Variants in ZNF117 observed in about 807,000 individuals in gnomAD.
The protein encoded by ZNF117 is zinc finger protein 117, also known as Krueppel-related zinc finger protein.
In ZNF117, 37 loss-of-function variants were observed where a neutral mutation model predicts 41.2. The observed-to-expected ratio is 0.90, with a 90% CI of 0.69 to 1.18. ZNF117 has a LOEUF of 1.18. Ranked by LOEUF, ZNF117 falls within the 50% of genes most tolerant of loss-of-function variation. The probability of loss-of-function intolerance (pLI) is 0.00; values close to 1 mark genes in which losing one functional copy is unlikely to be tolerated. For missense variants in ZNF117, 546 were observed against 557.5 expected (o/e 0.98, Z 0.21); for synonymous variants, 186 against 186.6 (o/e 1.00, Z 0.02).
chr7:64,973,978 G>C (rs898006932), downstream of ZNF117: 3 of 151,878 alleles, frequency 2.0e-5, no homozygotes, highest in Non-Finnish European at 2.9e-5. Flanking sequence ...AGCAAGCACT[G>C]TCATATTTGT....
chr7:64,972,691 G>A (rs1171728645), downstream of ZNF117: 1 of 151,974 alleles, frequency 6.6e-6, no homozygotes, highest in Non-Finnish European at 1.5e-5. Flanking sequence ...CATAATTATA[G>A]TTTAATAGGA....
exon 3 of ZNF117, chr7:64,976,850 A>C (rs549027103): frequency 9.1e-6 from 4 of 438,924 alleles, no homozygotes; most frequent in African/African-American, 4.1e-5. Context: ...TATGTTTAGT[A>C]AAGTTTGAGA....
chr7:64,977,281 G>T, exon 3 of ZNF117: 3 of 399,612 alleles, frequency 7.5e-6, no homozygotes, highest in South Asian at 5.9e-5. Flanking sequence ...TTTGAAGATC[G>T]GTTAAAAACT....
At chr7:64,988,690 T>C (rs1786187563) in intron 1 of ZNF117, among the ~76,000 whole-genome samples, 2 of 152,160 alleles carry the variant, frequency 1.3e-5, no homozygotes. Context: ...ATTCTATATA[T>C]AGAAAACCCT....
chr7:64,989,146 T>TACACAC (rs148723682), intron 1 of ZNF117, among the ~76,000 whole-genome samples: 3,028 of 148,568 alleles, frequency 0.02, 76 homozygotes, highest in African/African-American at 0.06. Context: ...AGGCAATGTA[T>TACACAC]ACACACACAC....
chr7:64,991,002 TGG>T, exon 1 of ZNF117: 1 of 417,100 alleles, frequency 2.4e-6, no homozygotes, highest in Non-Finnish European at 4.2e-6. Context: ...GCTCTTTTCT[TGG>T]CAGGGGTTAA....
intron 2 of ZNF117, chr7:64,981,046 T>G: frequency 4.1e-6 from 1 of 246,640 alleles, no homozygotes; most frequent in Non-Finnish European, 7.7e-6. Flanking sequence ...TTTAAAAAAC[T>G]GTTTAACATA....
chr7:64,986,722 T>C (rs1052444813), upstream of ZNF117, among the ~76,000 whole-genome samples: 2 of 152,154 alleles, frequency 1.3e-5, no homozygotes, highest in Non-Finnish European at 2.9e-5. Flanking sequence ...TGTGACCCAG[T>C]TCCCAGCCTA....
upstream of ZNF117, among the ~76,000 whole-genome samples, chr7:64,983,723 C>T (rs1786079564): frequency 6.6e-6 from 1 of 152,138 alleles, no homozygotes; most frequent in Non-Finnish European, 1.5e-5. Flanking sequence ...ACCACCACAC[C>T]CACAGAGATA....
At chr7:64,987,835 A>G (rs1433593451) in intron 1 of ZNF117, among the ~76,000 whole-genome samples, 1 of 151,960 alleles carries the variant, frequency 6.6e-6, no homozygotes, top group East Asian at 1.9e-4. Context: ...AAGGAAAAAA[A>G]AAAAAAAAAG....
At position 64,979,309 on chromosome 7, in the gene ZNF117, C is replaced by T. The variant is rs1262849089; in HGVS notation, c.262G>A (p.Glu88Lys). Residue 88 changes from glutamate (E) to lysine (K), a missense_variant, in exon 3 of 3, where the codon GAA becomes AAA. Glu to Lys is a moderately conservative substitution (Grantham distance 56). Transcript: ENST00000620222. ...GAATTTGAAATTTTATGGAAAACTT[C>T]TACATATTTATTACATTGAAATATT... is the stretch of plus-strand genomic sequence containing the variant. The T allele has an allele frequency of 1.9e-6, 3 of 1,591,298 alleles. No individual in the cohort carries two copies. Among genetic ancestry groups the T allele is most frequent in the Non-Finnish European group, 2.6e-6 (3 of 1,170,918 alleles).
chr7:64,988,928 C>T (rs1205720232), intron 1 of ZNF117, among the ~76,000 whole-genome samples: 2 of 151,988 alleles, frequency 1.3e-5, no homozygotes, highest in Non-Finnish European at 2.9e-5. Flanking sequence ...CAAAACACTG[C>T]TTAAATAAAT....
chr7:64,975,143 C>A (rs989070146), exon 3 of ZNF117: 3 of 151,798 alleles, frequency 2.0e-5, no homozygotes, highest in Non-Finnish European at 4.4e-5. Flanking sequence ...TTTACCAACA[C>A]CCTTGAGTAA....
exon 3 of ZNF117, chr7:64,979,062 C>T (rs1355252954): frequency 1.2e-6 from 2 of 1,613,074 alleles, no homozygotes; most frequent in Admixed American, 1.7e-5. Flanking sequence ...GGCTTTGCCA[C>T]ATTCTTTACA....
chr7:64,972,618 G>A (rs1490200211), downstream of ZNF117: 3 of 151,972 alleles, frequency 2.0e-5, no homozygotes, highest in African/African-American at 7.2e-5. Context: ...GTAAAGTGGT[G>A]ACCACCAGAC....
At chr7:64,980,826 T>G (rs1251676763) in intron 2 of ZNF117, 1 of 152,800 alleles carries the variant, frequency 6.5e-6, no homozygotes, top group Non-Finnish European at 1.5e-5. Context: ...GCAGCAAATC[T>G]GTCCTGCCAA....
At chr7:64,982,017 C>G (rs1786043985) in exon 1 of ZNF117, 1 of 768,960 alleles carries the variant, frequency 1.3e-6, no homozygotes, top group Admixed American at 2.0e-5. Flanking sequence ...CTGTAGTTCT[C>G]TCACATCACA....
exon 3 of ZNF117, chr7:64,975,976 G>T (rs1383749638): frequency 6.6e-6 from 1 of 152,088 alleles, no homozygotes; most frequent in Admixed American, 6.6e-5. Context: ...TATTACATTT[G>T]CAGTTTTTCT....
chr7:64,979,183 T>C, exon 3 of ZNF117: 2 of 1,606,140 alleles, frequency 1.2e-6, no homozygotes, highest in Non-Finnish European at 1.7e-6. Flanking sequence ...CTAGTTTGGA[T>C]TCTTTTATGT....
Sources: allele counts gnomAD v4.1 joint callset (sites outside exome capture counted in the v4.1 genomes callset), GRCh38; gene constraint gnomAD v4.1.1; transcripts MANE v1.5; gene names NCBI Gene and HGNC (gene_info 2026-07-23, HGNC 2026-07-21).